Variants in MSI2 observed in about 807,000 individuals in gnomAD.
The protein encoded by MSI2 is RNA-binding protein Musashi homolog 2.
In MSI2, 17 loss-of-function variants were observed where a neutral mutation model predicts 45.6. The ratio of observed to expected loss-of-function variants is 0.37; its 90% CI spans 0.26 to 0.56. MSI2 has a LOEUF of 0.56. Ranked by LOEUF, MSI2 falls within the 20% of genes least tolerant of loss-of-function variation. The probability of loss-of-function intolerance (pLI) is 0.77; values close to 1 mark genes in which losing one functional copy is unlikely to be tolerated. For missense variants in MSI2, 293 were observed against 444.2 expected (o/e 0.66, Z 3.06); for synonymous variants, 156 against 158.2 (o/e 0.99, Z 0.11).
chr17:57,617,834 G>T (rs1015590510), intron 9 of MSI2, among the ~76,000 whole-genome samples: 1 of 152,120 alleles, frequency 6.6e-6, no homozygotes, highest in Non-Finnish European at 1.5e-5. Flanking sequence ...AATTTGGGAG[G>T]CCGAGGCAGA....
intron 6 of MSI2, among the ~76,000 whole-genome samples, chr17:57,447,589 T>TC (rs2084923138): frequency 6.6e-6 from 1 of 150,780 alleles, no homozygotes; most frequent in African/African-American, 2.4e-5. Flanking sequence ...GTGGCATGGG[T>TC]GGGGGGGGTG....
intron 5 of MSI2, among the ~76,000 whole-genome samples, chr17:57,356,903 G>A (rs777844598): frequency 1.3e-5 from 2 of 152,120 alleles, no homozygotes; most frequent in African/African-American, 2.4e-5. Context: ...AGCTGCTTTC[G>A]GTTTTGAATG....
chr17:57,298,302 G>T (rs114335007), intron 5 of MSI2, among the ~76,000 whole-genome samples: 6 of 152,186 alleles, frequency 3.9e-5, no homozygotes, highest in Non-Finnish European at 8.8e-5. Context: ...AGAGCTCTTG[G>T]GTGACCAGGT....
At chr17:57,304,633 A>T (rs1188418310) in intron 5 of MSI2, among the ~76,000 whole-genome samples, 1 of 151,970 alleles carries the variant, frequency 6.6e-6, no homozygotes, top group Non-Finnish European at 1.5e-5. Flanking sequence ...ATGTTGGGCC[A>T]GGCTGATCTC....
intron 5 of MSI2, among the ~76,000 whole-genome samples, chr17:57,331,510 G>A (rs149293306): frequency 3.9e-4 from 59 of 152,324 alleles, no homozygotes; most frequent in African/African-American, 1.2e-3. Context: ...GGTGAGCCAC[G>A]TGAGGGTTGA....
At position 57,486,943 on chromosome 17, in the gene MSI2, G is replaced by A. The variant is rs542190293; in HGVS notation, c.406-42733G>A. Among the ~76,000 whole-genome samples the A allele has an allele frequency of 2.6e-5, 4 of 152,246 alleles. No homozygotes were observed. The East Asian group carries it at 7.7e-4, about 29-fold the overall frequency. ...GAGAGTGACAGATACCATAATACAA[G>A]GCAAGTAAGTACTGGGTGCATGCAA... On this transcript the variant is annotated intron_variant, in intron 6 of 13. Coordinates refer to ENST00000284073, the MANE Select transcript of MSI2 (RefSeq NM_138962.4).
intron 6 of MSI2, among the ~76,000 whole-genome samples, chr17:57,423,636 A>G (rs1481652913): frequency 6.6e-6 from 1 of 152,192 alleles, no homozygotes; most frequent in Non-Finnish European, 1.5e-5. Context: ...GCCATTTGTT[A>G]AAGTATGCCT....
intron 10 of MSI2, among the ~76,000 whole-genome samples, chr17:57,646,471 C>T (rs1274724694): frequency 1.3e-5 from 2 of 152,158 alleles, no homozygotes; most frequent in African/African-American, 2.4e-5. Context: ...CCTCAGAGGA[C>T]TTGGGTTTAT....
At chr17:57,640,853 G>C (rs933830744) in intron 10 of MSI2, among the ~76,000 whole-genome samples, 7 of 152,218 alleles carry the variant, frequency 4.6e-5, no homozygotes, top group Non-Finnish European at 1.0e-4. Context: ...GATGGTGGCT[G>C]CTGTTGTGTT....
rs138549074 is a variant in MSI2 at position 57,396,050 on chromosome 17, G to A, written c.313-5329G>A. Among the ~76,000 whole-genome samples the A allele has an allele frequency of 4.3e-3, 659 of 152,292 alleles. 6 individuals are homozygous for A. The highest frequency in any genetic ancestry group is 0.015 in the African/African-American group (629 of 41,540). ...CAGATGAGGCATCATCTGCAAACAA[G>A]CCTGTGTTCTTGGGGAGTGAAGATG... On this transcript the variant is annotated intron_variant, in intron 5 of 13. Transcript: ENST00000284073.
intron 6 of MSI2, among the ~76,000 whole-genome samples, chr17:57,489,249 A>G (rs1300021048): frequency 6.6e-6 from 1 of 152,128 alleles, no homozygotes; most frequent in East Asian, 1.9e-4. Context: ...TGAAAGATGC[A>G]GGGATGTGGT....
At chr17:57,698,185 A>G in the MSI2 span, among the ~76,000 whole-genome samples, 1 of 152,212 alleles carries the variant, frequency 6.6e-6, no homozygotes, top group African/African-American at 2.4e-5. Context: ...TAGGCTGAGG[A>G]CAGACCGGAT....
chr17:57,566,992 C>T (rs2087749146), intron 7 of MSI2, among the ~76,000 whole-genome samples: 5 of 152,160 alleles, frequency 3.3e-5, no homozygotes, highest in Non-Finnish European at 7.4e-5. Context: ...CCTATCCGTG[C>T]CCTGGAGGGT....
chr17:57,355,306 G>C (rs1916334427), intron 5 of MSI2, among the ~76,000 whole-genome samples: 3 of 152,326 alleles, frequency 2.0e-5, no homozygotes, highest in Non-Finnish European at 2.9e-5. Context: ...CTTTCTTTCA[G>C]CATCTGCATA....
rs147111327 is a variant in MSI2, at chr17:57,363,313, G to C, written c.313-38066G>C. Among the ~76,000 whole-genome samples the C allele has an allele frequency of 3.7e-3, 562 of 152,286 alleles. 3 individuals carry two copies. Among genetic ancestry groups the C allele is most frequent in the Middle Eastern group, 0.034 (10 of 292 alleles). ...TTCCTAGAGCAGTCAAATCCATAGA[G>C]CTCCCCACCCCTTATGACATCACTC... On this transcript the variant is annotated intron_variant, in intron 5 of 13. Coordinates refer to ENST00000284073, the MANE Select transcript of MSI2 (RefSeq NM_138962.4).
intron 6 of MSI2, among the ~76,000 whole-genome samples, chr17:57,517,795 C>T (rs1360552859): frequency 6.6e-6 from 1 of 152,148 alleles, no homozygotes; most frequent in Non-Finnish European, 1.5e-5. Flanking sequence ...CTTGCCCCTC[C>T]TCTGTTGTGG....
At chr17:57,604,133 C>T (rs1397157138) in intron 8 of MSI2, among the ~76,000 whole-genome samples, 1 of 152,202 alleles carries the variant, frequency 6.6e-6, no homozygotes, top group Non-Finnish European at 1.5e-5. Context: ...CACTTCCCAG[C>T]TTTGTGGCCT....
chr17:57,551,861 G>C (rs1204350089), intron 7 of MSI2, among the ~76,000 whole-genome samples: 1 of 152,150 alleles, frequency 6.6e-6, no homozygotes, highest in African/African-American at 2.4e-5. Flanking sequence ...TTTATGTGCT[G>C]ACCGCTCCTG....
intron 6 of MSI2, among the ~76,000 whole-genome samples, chr17:57,421,789 C>T (rs748592604): frequency 5.3e-5 from 8 of 152,066 alleles, no homozygotes; most frequent in Non-Finnish European, 1.0e-4. Flanking sequence ...CCCAGGAGTT[C>T]GAGGCTGCAG....
Sources: gnomAD v4.1 joint callset for allele counts (sites outside exome capture counted in the v4.1 genomes callset) on GRCh38, gnomAD v4.1.1 for gene constraint, MANE v1.5 for transcripts, NCBI Gene and HGNC (gene_info 2026-07-23, HGNC 2026-07-21) for gene names.